Variants in ZFPM2 observed in about 807,000 individuals in gnomAD.
The protein encoded by ZFPM2 is zinc finger protein, FOG family member 2, also known as zinc finger protein ZFPM2.
ZFPM2 carries 20 observed loss-of-function variants against 98.6 expected under a neutral mutation model. That is an observed-to-expected ratio of 0.20 (90% confidence interval 0.14 to 0.29). The LOEUF (loss-of-function observed/expected upper bound fraction) is 0.29, where lower values mean the gene tolerates loss of function less well. Among genes scored for constraint, ZFPM2 ranks in the 10% least tolerant of loss-of-function variants. The probability of loss-of-function intolerance (pLI) is 1.00; values close to 1 mark genes in which losing one functional copy is unlikely to be tolerated. For synonymous variants in ZFPM2, 518 were observed against 502.7 expected, an observed-to-expected ratio of 1.03 and a Z score of -0.41; for missense variants, 1,310 against 1,388.6, an observed-to-expected ratio of 0.94 and a Z score of 0.90.
chr8:105,594,690 A>G (rs1815930390), intron 4 of ZFPM2, among the ~76,000 whole-genome samples: 1 of 152,106 alleles, frequency 6.6e-6, no homozygotes, highest in Non-Finnish European at 1.5e-5. Context: ...TTGAACTCAG[A>G]TATGACTTCA....
chr8:105,616,138 A>G (rs1816409364), intron 4 of ZFPM2, among the ~76,000 whole-genome samples: 1 of 152,128 alleles, frequency 6.6e-6, no homozygotes, highest in African/African-American at 2.4e-5. Context: ...AAGTAGCATA[A>G]TTAGAAACTC....
chr8:105,573,071 T>C (rs1031123543), intron 4 of ZFPM2, among the ~76,000 whole-genome samples: 1 of 152,130 alleles, frequency 6.6e-6, no homozygotes, highest in Non-Finnish European at 1.5e-5. Flanking sequence ...AGACAGGTCT[T>C]GGTGTCATCT....
chr8:105,487,894 C>T (rs1180376380), intron 3 of ZFPM2, among the ~76,000 whole-genome samples: 2 of 64,836 alleles, frequency 3.1e-5, no homozygotes, highest in East Asian at 7.8e-4. Flanking sequence ...GTCTGTCTGT[C>T]TATCTATCTA....
chr8:105,521,940 C>T (rs527863532), intron 3 of ZFPM2, among the ~76,000 whole-genome samples: 1 of 152,198 alleles, frequency 6.6e-6, no homozygotes, highest in East Asian at 1.9e-4. Context: ...ATATAAACAC[C>T]TATTATGTAA....
At chr8:105,577,649 T>C (rs757946188) in intron 4 of ZFPM2, among the ~76,000 whole-genome samples, 10 of 151,920 alleles carry the variant, frequency 6.6e-5, no homozygotes, top group Admixed American at 6.6e-5. Context: ...AGTACTCTAA[T>C]AGGTAATATA....
intron 1 of ZFPM2, among the ~76,000 whole-genome samples, chr8:105,415,759 A>G (rs759575600): frequency 1.3e-5 from 2 of 151,822 alleles, no homozygotes; most frequent in Non-Finnish European, 2.9e-5. Context: ...TATGCATTTT[A>G]AAAGAAACCT....
At chr8:105,345,237 A>G (rs1370241586) in intron 1 of ZFPM2, among the ~76,000 whole-genome samples, 1 of 152,112 alleles carries the variant, frequency 6.6e-6, no homozygotes, top group East Asian at 1.9e-4. Context: ...CCTATCATAA[A>G]TCAGTAATAA....
intron 3 of ZFPM2, among the ~76,000 whole-genome samples, chr8:105,557,393 C>G: frequency 6.6e-6 from 1 of 152,182 alleles, no homozygotes; most frequent in East Asian, 1.9e-4. Flanking sequence ...TTTATAGCTA[C>G]TTTAATATCA....
intron 5 of ZFPM2, among the ~76,000 whole-genome samples, chr8:105,730,841 A>G (rs982849650): frequency 2.7e-5 from 4 of 149,010 alleles, no homozygotes; most frequent in Non-Finnish European, 5.9e-5. Context: ...AATGATTAGA[A>G]AGCGTTTGGA....
At chr8:105,700,462 T>C (rs1250777026) in intron 5 of ZFPM2, among the ~76,000 whole-genome samples, 1 of 152,234 alleles carries the variant, frequency 6.6e-6, no homozygotes, top group Admixed American at 6.5e-5. Context: ...CTGATAAATT[T>C]GTTACATCTT....
intron 1 of ZFPM2, among the ~76,000 whole-genome samples, chr8:105,359,323 T>A (rs185501495): frequency 6.6e-6 from 1 of 152,150 alleles, no homozygotes; most frequent in East Asian, 1.9e-4. Context: ...CTTTGTAAAT[T>A]ACCCACTCTC....
At chr8:105,359,103 T>C (rs1035047436) in intron 1 of ZFPM2, among the ~76,000 whole-genome samples, 2 of 152,058 alleles carry the variant, frequency 1.3e-5, no homozygotes, top group South Asian at 2.1e-4. Context: ...TGGGAGATCA[T>C]TGGATCATGG....
chr8:105,524,002 C>T (rs1041875722), intron 3 of ZFPM2, among the ~76,000 whole-genome samples: 1 of 152,156 alleles, frequency 6.6e-6, no homozygotes, highest in African/African-American at 2.4e-5. Context: ...CTGTTTTGTT[C>T]ACTACATCAA....
rs564049237 is a variant in ZFPM2 at position 105,453,015 on chromosome 8, A to G, written c.301+8634A>G. Among the ~76,000 whole-genome samples, 36 of 152,352 alleles carry G rather than the reference A, an allele frequency of 2.4e-4. 1 individual carries two copies. In the East Asian group the frequency reaches 6.4e-3, roughly 27 times the overall value. ...ATAAGTAAAGATCAACACGATATGC[A>G]TTAGAAGTAGTTTAAAATCATGAAA... On this transcript the variant is annotated intron_variant, in intron 3 of 7. Coordinates refer to ENST00000407775, the MANE Select transcript of ZFPM2 (RefSeq NM_012082.4).
intron 3 of ZFPM2, among the ~76,000 whole-genome samples, chr8:105,506,172 A>C (rs1345393784): frequency 6.6e-6 from 1 of 152,214 alleles, no homozygotes; most frequent in Non-Finnish European, 1.5e-5. Flanking sequence ...AGCAGTGAGC[A>C]CTTGTTAGAT....
chr8:105,699,875 T>C (rs1811102563), intron 5 of ZFPM2, among the ~76,000 whole-genome samples: 1 of 152,198 alleles, frequency 6.6e-6, no homozygotes, highest in Non-Finnish European at 1.5e-5. Context: ...AATTTCATTA[T>C]TGTTTATGAT....
Position 105,318,853 on chromosome 8 carries a change from C to CGGT in ZFPM2, c.-87_-86insTGG, listed in dbSNP as rs1314506621. On this transcript the variant is annotated 5_prime_UTR_variant, in exon 1 of 8. Coordinates refer to ENST00000407775, the MANE Select transcript of ZFPM2 (RefSeq NM_012082.4). ...GCGGGCCGAGCCTGGCCAGCGGCGG[C>CGGT]GGCGGCGGCGGCGGCGGCGGGAGCC... is the stretch of plus-strand genomic sequence containing the variant. 2.6e-6 allele frequency: 2 copies of CGGT among 776,680 alleles called. No homozygotes were observed. Among genetic ancestry groups the CGGT allele is most frequent in the African/African-American group, 3.9e-5 (1 of 25,536 alleles). The allele number at this position is 776,680 out of a possible 1,614,324, so 48.1% of individuals were successfully genotyped here.
intron 4 of ZFPM2, among the ~76,000 whole-genome samples, chr8:105,622,109 A>G (rs1169459131): frequency 6.6e-6 from 1 of 152,160 alleles, no homozygotes; most frequent in East Asian, 1.9e-4. Context: ...TATCTAGAAA[A>G]AAAACAAAAA....
intron 3 of ZFPM2, among the ~76,000 whole-genome samples, chr8:105,549,757 A>G (rs1331995824): frequency 2.6e-5 from 4 of 151,650 alleles, no homozygotes; most frequent in African/African-American, 9.7e-5. Flanking sequence ...GACCACAGGC[A>G]CAAGCCACGA....
Sources: allele counts gnomAD v4.1 joint callset (sites outside exome capture counted in the v4.1 genomes callset), GRCh38; gene constraint gnomAD v4.1.1; transcripts MANE v1.5; gene names NCBI Gene and HGNC (gene_info 2026-07-23, HGNC 2026-07-21).